The following KCNN2 variants were observed in gnomAD, a reference collection of about 807,000 sequenced individuals.
The protein encoded by KCNN2 is small conductance calcium-activated potassium channel protein 2.
Under a neutral mutation model 55.5 loss-of-function variants are expected in KCNN2, and 24 were observed. That is an observed-to-expected ratio of 0.43 (90% CI 0.31 to 0.61). The LOEUF (loss-of-function observed/expected upper bound fraction) is 0.61. KCNN2 is among the 20% of genes least tolerant of loss of function. KCNN2 has a pLI of 0.08. For missense variants in KCNN2, 754 were observed against 853.6 expected (o/e 0.88, Z 1.45); for synonymous variants, 431 against 336.1 (o/e 1.28, Z -3.09).
At position 114,385,519 on chromosome 5, in the gene KCNN2, G is replaced by GCGCGCACACA. The variant is rs1458678711; in HGVS notation, c.1219-18918_1219-18917insGCGCACACAC. Among the ~76,000 whole-genome samples, 254 of 143,454 alleles carry GCGCGCACACA rather than the reference G, an allele frequency of 1.8e-3. 1 individual carries two copies. The highest frequency in any genetic ancestry group is 6.3e-3 in the African/African-American group (238 of 37,878). 94.1% of individuals were successfully genotyped at this position (143,454 alleles called of 152,430 possible). The stretch of plus-strand genomic sequence containing the variant: ...TTATTGACAGCATACACACATGCGC[G>GCGCGCACACA]CACACACACACACACACACACACAC... On this transcript the variant is annotated intron_variant, in intron 2 of 7. Transcript: ENST00000673685.
At chr5:114,320,075 T>C (rs755238409) in intron 2 of KCNN2, among the ~76,000 whole-genome samples, 2 of 152,130 alleles carry the variant, frequency 1.3e-5, no homozygotes, top group Non-Finnish European at 1.5e-5. Context: ...TTTTAACACA[T>C]AAATAGAAAC....
chr5:114,110,115 G>A (rs1030961576), intron 1 of KCNN2, among the ~76,000 whole-genome samples: 1 of 152,048 alleles, frequency 6.6e-6, no homozygotes, highest in Non-Finnish European at 1.5e-5. Context: ...TAAACCTGCT[G>A]TTGCCTTGAT....
chr5:114,409,332 T>TAA (rs35010897), intron 3 of KCNN2, among the ~76,000 whole-genome samples: 8 of 151,918 alleles, frequency 5.3e-5, no homozygotes, highest in African/African-American at 7.2e-5. Context: ...GATACAAAGA[T>TAA]AAAAAAAAAT....
At chr5:114,239,602 G>T (rs1035261912) in intron 2 of KCNN2, among the ~76,000 whole-genome samples, 7 of 152,096 alleles carry the variant, frequency 4.6e-5, no homozygotes, top group African/African-American at 1.7e-4. Context: ...GACAAATTAA[G>T]GTCGTTTTTT....
At chr5:114,426,464 A>AT (rs568820960) in intron 3 of KCNN2, among the ~76,000 whole-genome samples, 15 of 152,064 alleles carry the variant, frequency 9.9e-5, no homozygotes, top group Non-Finnish European at 1.8e-4. Context: ...TTTTTTTCTG[A>AT]TGATGTCTTT....
At chr5:114,097,378 T>G (rs1751280474) in intron 1 of KCNN2, among the ~76,000 whole-genome samples, 1 of 152,174 alleles carries the variant, frequency 6.6e-6, no homozygotes, top group South Asian at 2.1e-4. Context: ...TGCAAATCCA[T>G]TAGCACTGCT....
chr5:114,478,270 G>A (rs1399177460), intron 5 of KCNN2, among the ~76,000 whole-genome samples: 1 of 152,154 alleles, frequency 6.6e-6, no homozygotes, highest in African/African-American at 2.4e-5. Context: ...AGTTGAAAAT[G>A]AAGATCCAAA....
intron 2 of KCNN2, among the ~76,000 whole-genome samples, chr5:114,402,898 G>A (rs956677096): frequency 1.3e-5 from 2 of 152,178 alleles, no homozygotes; most frequent in African/African-American, 4.8e-5. Context: ...TTGAAGGAGT[G>A]AGACTCAATA....
chr5:114,160,401 G>A (rs1752744616), intron 1 of KCNN2, among the ~76,000 whole-genome samples: 1 of 152,132 alleles, frequency 6.6e-6, no homozygotes, highest in South Asian at 2.1e-4. Context: ...TTTTACATTT[G>A]CTGAGGAGTG....
At chr5:114,194,099 T>C (rs1753503294) in intron 1 of KCNN2, among the ~76,000 whole-genome samples, 1 of 152,128 alleles carries the variant, frequency 6.6e-6, no homozygotes, top group Non-Finnish European at 1.5e-5. Context: ...TTTTCTACTT[T>C]TTAGTTTGTA....
chr5:114,188,351 T>C (rs1753381487), intron 1 of KCNN2, among the ~76,000 whole-genome samples: 2 of 152,182 alleles, frequency 1.3e-5, no homozygotes, highest in Admixed American at 1.3e-4. Context: ...TCATTTCTCA[T>C]TGCATAGTTC....
chr5:114,305,244 G>T (rs1756244366), intron 2 of KCNN2, among the ~76,000 whole-genome samples: 1 of 152,180 alleles, frequency 6.6e-6, no homozygotes, highest in African/African-American at 2.4e-5. Context: ...GTTAGTTGCA[G>T]CTTCCTGGAT....
In KCNN2 at chr5:114,292,566, C is replaced by T. The variant is rs553874747; in HGVS notation, c.-184-68379C>T. 3.0e-3 allele frequency among the ~76,000 whole-genome samples: 463 copies of T among 152,240 alleles called. 2 individuals are homozygous for T. The highest frequency in any genetic ancestry group is 0.01 in the Middle Eastern group (3 of 294). On this transcript the variant is annotated intron_variant, in intron 2 of 10. Coordinates refer to the KCNN2 transcript ENST00000512097. ...ATTGGTCTATATCTCTGTTTTGGTA[C>T]CAGTACCATGCTATTTTGGTTACTG...
At chr5:114,088,876 C>T (rs1751075841) in intron 1 of KCNN2, among the ~76,000 whole-genome samples, 1 of 152,192 alleles carries the variant, frequency 6.6e-6, no homozygotes, top group Non-Finnish European at 1.5e-5. Context: ...CCACTTTGTC[C>T]TCCAAAAGCG....
chr5:114,478,718 C>A (rs1762087736), intron 5 of KCNN2, among the ~76,000 whole-genome samples: 1 of 152,254 alleles, frequency 6.6e-6, no homozygotes, highest in Admixed American at 6.5e-5. Context: ...AGAAATCCTA[C>A]AAGGCAGAAG....
chr5:114,298,134 A>T (rs1468805071), intron 2 of KCNN2, among the ~76,000 whole-genome samples: 1 of 152,240 alleles, frequency 6.6e-6, no homozygotes, highest in African/African-American at 2.4e-5. Flanking sequence ...ATCATCATCT[A>T]CTGCAGGGTT....
chr5:114,478,318 A>T (rs1276131356), intron 5 of KCNN2, among the ~76,000 whole-genome samples: 2 of 152,190 alleles, frequency 1.3e-5, no homozygotes, highest in Non-Finnish European at 2.9e-5. Context: ...CCTATATGCT[A>T]TAGGTTTGAA....
At chr5:114,123,384 A>G (rs1221500091) in intron 1 of KCNN2, among the ~76,000 whole-genome samples, 1 of 44,520 alleles carries the variant, frequency 2.2e-5, no homozygotes, top group African/African-American at 1.5e-4. Context: ...TTTTTTTGAG[A>G]CAGAGTCTCG....
chr5:114,105,414 T>C (rs2112575230), intron 1 of KCNN2, among the ~76,000 whole-genome samples: 1 of 152,198 alleles, frequency 6.6e-6, no homozygotes, highest in Non-Finnish European at 1.5e-5. Context: ...TGTTTGCAAG[T>C]CTCATTTGCT....
Sources: allele counts gnomAD v4.1 joint callset (sites outside exome capture counted in the v4.1 genomes callset), GRCh38; gene constraint gnomAD v4.1.1; transcripts MANE v1.5; gene names NCBI Gene and HGNC (gene_info 2026-07-23, HGNC 2026-07-21).